CTNNA2: variants seen among roughly 807,000 people sequenced by gnomAD.
CTNNA2 encodes the protein catenin alpha 2, also known as catenin alpha-2.
CTNNA2 carries 42 observed loss-of-function variants against 101.0 expected under a neutral mutation model. That is an observed-to-expected ratio of 0.42 (90% CI 0.32 to 0.54). CTNNA2 has a LOEUF of 0.54. CTNNA2 is among the 20% of genes least tolerant of loss of function. CTNNA2 has a pLI of 0.14. For synonymous variants in CTNNA2, 450 were observed against 456.4 expected, an observed-to-expected ratio of 0.99 and a Z score of 0.18; for missense variants, 871 against 1,223.1, an observed-to-expected ratio of 0.71 and a Z score of 4.29.
At chr2:79,664,865 A>C (rs372744395) in intron 2 of CTNNA2, among the ~76,000 whole-genome samples, 1 of 151,614 alleles carries the variant, frequency 6.6e-6, no homozygotes, top group Non-Finnish European at 1.5e-5. Context: ...GCGCCCGCCA[A>C]CACGCCCGGC....
chr2:79,510,661 A>C (rs1671515548), upstream of CTNNA2, among the ~76,000 whole-genome samples: 1 of 152,238 alleles, frequency 6.6e-6, no homozygotes, highest in Non-Finnish European at 1.5e-5. Context: ...TGATTGACAG[A>C]CCACAGTTTG....
chr2:80,380,946 G>A (rs562967135), intron 7 of CTNNA2, among the ~76,000 whole-genome samples: 1 of 152,166 alleles, frequency 6.6e-6, no homozygotes, highest in South Asian at 2.1e-4. Context: ...CCAGGGTTTC[G>A]GCCTGCTTTC....
At chr2:79,885,694 T>C (rs549331137) in intron 6 of CTNNA2, among the ~76,000 whole-genome samples, 14 of 152,370 alleles carry the variant, frequency 9.2e-5, no homozygotes, top group African/African-American at 3.4e-4. Flanking sequence ...AAGTTTCCTA[T>C]ATCTTACATT....
chr2:80,012,902 C>T (rs547457030), intron 7 of CTNNA2, among the ~76,000 whole-genome samples: 4 of 152,168 alleles, frequency 2.6e-5, no homozygotes, highest in Non-Finnish European at 5.9e-5. Flanking sequence ...CAGTGGCTCA[C>T]GCCTGTAATC....
chr2:79,798,110 A>T (rs12615003), intron 3 of CTNNA2, among the ~76,000 whole-genome samples: 1 of 151,418 alleles, frequency 6.6e-6, no homozygotes, highest in East Asian at 2.0e-4. Flanking sequence ...CCTGCCCCAT[A>T]CTAGAACTGC....
chr2:80,554,616 G>T (rs919152897), intron 11 of CTNNA2, among the ~76,000 whole-genome samples: 6 of 152,094 alleles, frequency 3.9e-5, no homozygotes, highest in Non-Finnish European at 5.9e-5. Flanking sequence ...CTTTTATAAG[G>T]ACACTAATTC....
intron 7 of CTNNA2, among the ~76,000 whole-genome samples, chr2:79,964,552 T>A (rs758551829): frequency 4.3e-4 from 65 of 152,322 alleles, no homozygotes; most frequent in South Asian, 1.4e-3. Flanking sequence ...ATCCAAACCT[T>A]TGTGGGTTCT....
intron 7 of CTNNA2, among the ~76,000 whole-genome samples, chr2:80,340,156 T>C (rs531152922): frequency 1.3e-5 from 2 of 152,332 alleles, no homozygotes; most frequent in African/African-American, 4.8e-5. Context: ...CTCTCAGTAC[T>C]TGCCAGATTC....
intron 7 of CTNNA2, among the ~76,000 whole-genome samples, chr2:80,363,744 GA>G (rs1674643768): frequency 6.6e-6 from 1 of 152,152 alleles, no homozygotes; most frequent in South Asian, 2.1e-4. Flanking sequence ...AAATTATTCA[GA>G]ATGGAATAAA....
At chr2:80,314,587 T>C (rs1211821197) in intron 7 of CTNNA2, among the ~76,000 whole-genome samples, 1 of 152,122 alleles carries the variant, frequency 6.6e-6, no homozygotes, top group African/African-American at 2.4e-5. Flanking sequence ...TCCTGATAGA[T>C]TTGGAGAGGA....
intron 12 of CTNNA2, among the ~76,000 whole-genome samples, chr2:80,568,748 A>C (rs140909780): frequency 5.3e-5 from 8 of 152,294 alleles, no homozygotes; most frequent in African/African-American, 1.9e-4. Flanking sequence ...GAGTATGTAC[A>C]TTTCAGTATG....
chr2:79,612,490 A>G (rs779626172), intron 1 of CTNNA2, among the ~76,000 whole-genome samples: 8 of 152,140 alleles, frequency 5.3e-5, no homozygotes, highest in Non-Finnish European at 1.0e-4. Context: ...TATAGAGGCA[A>G]TCTACATTTT....
At chr2:79,954,431 G>C (rs1004197539) in intron 7 of CTNNA2, among the ~76,000 whole-genome samples, 1 of 152,128 alleles carries the variant, frequency 6.6e-6, no homozygotes, top group African/African-American at 2.4e-5. Flanking sequence ...GTCTTCTCTT[G>C]TTTCACTCCT....
chr2:79,287,210 G>T (rs919658634), intron 2 of CTNNA2, among the ~76,000 whole-genome samples: 2 of 152,040 alleles, frequency 1.3e-5, no homozygotes, highest in South Asian at 2.1e-4. Flanking sequence ...ATGTCCTCCC[G>T]TAGCTCGGAG....
In CTNNA2 at chr2:80,302,148, C is replaced by A. The variant is rs1676379118; in HGVS notation, c.1057-91063C>A. The A allele has an allele frequency of 1.4e-6, 2 of 1,400,862 alleles. No homozygotes were observed. Among genetic ancestry groups the A allele is most frequent in the African/African-American group, 2.9e-5 (2 of 69,498 alleles). The allele number at this position is 1,400,862 out of a possible 1,614,324, so 86.8% of individuals were successfully genotyped here. On this transcript the variant is annotated intron_variant, in intron 7 of 18. Transcript: ENST00000402739. The surrounding 1 kb of genome is among the most constrained non-coding windows in gnomAD (Gnocchi z 6.4). ...TCCCCTTAAAGTTTCAGTCAAGGAG[C>A]ATATCAGAGCACAGACAAGGAGACC...
chr2:80,169,956 T>C (rs1437562256), intron 7 of CTNNA2, among the ~76,000 whole-genome samples: 1 of 152,144 alleles, frequency 6.6e-6, no homozygotes, highest in East Asian at 1.9e-4. Context: ...CTACCTGGCA[T>C]GGTGTTAGAA....
intron 2 of CTNNA2, among the ~76,000 whole-genome samples, chr2:79,711,768 C>A (rs1685755097): frequency 6.6e-6 from 1 of 152,092 alleles, no homozygotes; most frequent in Non-Finnish European, 1.5e-5. Context: ...TCTGTTGTGG[C>A]TGCTCAACTC....
chr2:80,083,570 A>C (rs1012280416), intron 7 of CTNNA2, among the ~76,000 whole-genome samples: 3 of 152,156 alleles, frequency 2.0e-5, no homozygotes, highest in Non-Finnish European at 1.5e-5. Context: ...ATGTCAGAGA[A>C]ACATGAAAGA....
intron 7 of CTNNA2, among the ~76,000 whole-genome samples, chr2:79,962,979 G>A (rs1320130225): frequency 1.3e-5 from 2 of 148,464 alleles, no homozygotes; most frequent in Non-Finnish European, 3.0e-5. Flanking sequence ...GCTGAGGCAG[G>A]AGAACGGTGT....
Sources: allele counts gnomAD v4.1 joint callset (sites outside exome capture counted in the v4.1 genomes callset), GRCh38; gene constraint gnomAD v4.1.1; non-coding constraint Gnocchi (gnomAD v3.1); transcripts MANE v1.5; gene names NCBI Gene and HGNC (gene_info 2026-07-23, HGNC 2026-07-21).